The following WDPCP variants were observed in gnomAD, a reference collection of about 807,000 sequenced individuals.
WDPCP encodes WD repeat containing planar cell polarity effector, also known as WD repeat-containing and planar cell polarity effector protein fritz homolog.
A neutral mutation model predicts 93.1 loss-of-function variants in WDPCP; 71 were observed. The observed-to-expected ratio is 0.76, with a 90% confidence interval of 0.63 to 0.93. The LOEUF is 0.93. Ranked by LOEUF, WDPCP falls within the 40% of genes least tolerant of loss-of-function variation. The probability of loss-of-function intolerance (pLI) is 0.00; values close to 1 mark genes in which losing one functional copy is unlikely to be tolerated. For synonymous variants in WDPCP, 315 were observed against 315.0 expected (o/e 1.00, Z 0.00); for missense variants, 844 against 887.4 (o/e 0.95, Z 0.62).
intron 12 of WDPCP, among the ~76,000 whole-genome samples, chr2:63,361,479 G>A (rs1371540618): frequency 6.6e-6 from 1 of 152,208 alleles, no homozygotes; most frequent in South Asian, 2.1e-4. Flanking sequence ...TAGTAAACAA[G>A]TATTTATTGA....
chr2:63,810,021 A>T (rs1163086593), intron 2 of WDPCP, among the ~76,000 whole-genome samples: 2 of 152,232 alleles, frequency 1.3e-5, no homozygotes, highest in African/African-American at 4.8e-5. Flanking sequence ...GACTGTAGTC[A>T]GAATCCACAC....
chr2:63,437,383 ATAAT>A (rs1558634175), intron 8 of WDPCP, 34 bp downstream of exon 8: 1 of 1,479,512 alleles, frequency 6.8e-7, no homozygotes, highest in East Asian at 2.3e-5. Flanking sequence ...ATATACCTTA[ATAAT>A]TAATAATATG....
intron 6 of WDPCP, among the ~76,000 whole-genome samples, chr2:63,460,631 CA>C (rs1305169797): frequency 6.6e-6 from 1 of 151,858 alleles, no homozygotes; most frequent in Non-Finnish European, 1.5e-5. Flanking sequence ...AAAAACAAAA[CA>C]AAAAATACAT....
At position 63,689,859 on chromosome 2, in the gene WDPCP, AG is replaced by A. The variant is rs779382067; in HGVS notation, n.309-39022del. 7.5e-4 allele frequency among the ~76,000 whole-genome samples: 115 copies of A among 152,330 alleles called. No homozygotes were observed. In the Middle Eastern group the frequency reaches 0.01, roughly 14 times the overall value. On this transcript the variant is annotated intron_variant and non_coding_transcript_variant, in intron 2 of 4. Transcript: ENST00000467687. ...AGGGCCTATTCAATCTTCCTTGCCA[AG>A]GGGTCAACTTGACGTTATTAACCCA...
intron 9 of WDPCP, among the ~76,000 whole-genome samples, chr2:63,420,351 C>T (rs1340498416): frequency 9.1e-6 from 1 of 110,240 alleles, no homozygotes; most frequent in Non-Finnish European, 2.0e-5. Context: ...AGAGACACCC[C>T]ATCTTTACTT....
intron 14 of WDPCP, among the ~76,000 whole-genome samples, chr2:63,203,514 A>G (rs970401274): frequency 2.0e-5 from 3 of 151,832 alleles, no homozygotes; most frequent in Non-Finnish European, 4.4e-5. Flanking sequence ...TTACAATCCA[A>G]TTATGCTCTT....
chr2:63,715,814 T>C (rs1415487896), intron 2 of WDPCP, among the ~76,000 whole-genome samples: 5 of 152,130 alleles, frequency 3.3e-5, no homozygotes, highest in Admixed American at 1.3e-4. Context: ...CCATTCGTCA[T>C]AAAATCAGAG....
At chr2:63,445,566 T>C (rs969716156) in intron 6 of WDPCP, among the ~76,000 whole-genome samples, 1 of 152,062 alleles carries the variant, frequency 6.6e-6, no homozygotes, top group African/African-American at 2.4e-5. Flanking sequence ...AGAAACATGG[T>C]CAAATTTGGT....
chr2:63,565,482 T>C (rs1474444587), intron 1 of WDPCP, among the ~76,000 whole-genome samples: 6 of 152,272 alleles, frequency 3.9e-5, no homozygotes. Flanking sequence ...AATTATAGTA[T>C]AATAAAACAT....
At chr2:63,420,458 C>T (rs948135417) in intron 9 of WDPCP, among the ~76,000 whole-genome samples, 18 of 150,718 alleles carry the variant, frequency 1.2e-4, no homozygotes, top group African/African-American at 3.4e-4. Context: ...CACTTGAACC[C>T]GGGAGGTGGA....
chr2:63,604,847 G>T (rs1260784779), intron 3 of WDPCP: 1 of 1,614,156 alleles, frequency 6.2e-7, no homozygotes, highest in South Asian at 1.1e-5. Context: ...AAAGATGACA[G>T]CTGGCTCAAG....
At chr2:63,125,999 A>G (rs1177785665) in intron 17 of WDPCP, among the ~76,000 whole-genome samples, 3 of 151,084 alleles carry the variant, frequency 2.0e-5, no homozygotes, top group African/African-American at 7.3e-5. Context: ...TAGTGGTACA[A>G]TCAAGGCTCA....
chr2:63,597,612 A>G (rs775807563), intron 3 of WDPCP: 4 of 1,334,558 alleles, frequency 3.0e-6, no homozygotes, highest in Admixed American at 6.0e-5. Flanking sequence ...TTTCATTATT[A>G]GCATTTGAAA....
intron 15 of WDPCP, among the ~76,000 whole-genome samples, chr2:63,172,044 G>C (rs1673429873): frequency 1.3e-5 from 2 of 152,206 alleles, no homozygotes; most frequent in Admixed American, 1.3e-4. Context: ...GCTGGGTTAG[G>C]AGAGTGGAAA....
At chr2:63,191,561 CCA>C (rs1675044416) in intron 14 of WDPCP, among the ~76,000 whole-genome samples, 1 of 152,112 alleles carries the variant, frequency 6.6e-6, no homozygotes. Flanking sequence ...TTCCTAAGAG[CCA>C]CAGTCTCCTT....
At chr2:63,282,103 A>C (rs1005149414) in intron 13 of WDPCP, among the ~76,000 whole-genome samples, 11 of 152,238 alleles carry the variant, frequency 7.2e-5, no homozygotes, top group Non-Finnish European at 1.2e-4. Flanking sequence ...ATAGAACCAC[A>C]AACAACTCTA....
At chr2:63,248,736 G>C (rs2104697273) in intron 14 of WDPCP, among the ~76,000 whole-genome samples, 2 of 152,124 alleles carry the variant, frequency 1.3e-5, no homozygotes, top group East Asian at 3.9e-4. Flanking sequence ...CCTTAGAATT[G>C]ATAATTTCAA....
intron 10 of WDPCP, among the ~76,000 whole-genome samples, chr2:63,399,129 A>G (rs149512369): frequency 2.5e-4 from 38 of 152,332 alleles, no homozygotes; most frequent in African/African-American, 7.7e-4. Context: ...TAAAGAGCCT[A>G]TAAGACTGTA....
Position 63,387,524 on chromosome 2 carries a change from C to T in WDPCP, c.1436-5430G>A, listed in dbSNP as rs1378855800. On this transcript the variant is annotated intron_variant, in intron 10 of 17. Transcript: ENST00000272321. ...AATAGAGTAACCTATGATAAATCCACAGCCAACATCATACTGAATGGGCAA... is the reference window on the plus strand; with the variant it reads ...AATAGAGTAACCTATGATAAATCCATAGCCAACATCATACTGAATGGGCAA... 2.6e-5 allele frequency among the ~76,000 whole-genome samples: 4 copies of T among 152,244 alleles called. No individual in the cohort carries two copies. In the East Asian group the frequency reaches 7.7e-4, roughly 29 times the overall value.
Sources: gnomAD v4.1 joint callset for allele counts (sites outside exome capture counted in the v4.1 genomes callset) on GRCh38, gnomAD v4.1.1 for gene constraint, MANE v1.5 for transcripts, NCBI Gene and HGNC (gene_info 2026-07-23, HGNC 2026-07-21) for gene names.